The following DYNC2H1 variants were observed in gnomAD, a reference collection of about 807,000 sequenced individuals.
DYNC2H1 encodes the protein cytoplasmic dynein 2 heavy chain 1.
Under a neutral mutation model 570.0 loss-of-function variants are expected in DYNC2H1, and 410 were observed. That is an observed-to-expected ratio of 0.72 (90% CI 0.66 to 0.78). The LOEUF is 0.78. Among genes scored for constraint, DYNC2H1 ranks in the 30% least tolerant of loss-of-function variants. The pLI is 0.00. For missense variants in DYNC2H1, 4,865 were observed against 5,046.4 expected (o/e 0.96, Z 1.09); for synonymous variants, 1,688 against 1,677.6 (o/e 1.01, Z -0.15).
chr11:103,282,266 G>T (rs1162043309), intron 72 of DYNC2H1, 37 bp downstream of exon 72: 22 of 1,591,970 alleles, frequency 1.4e-5, no homozygotes. Flanking sequence ...TGCTCTTAAA[G>T]AAAATATTTC....
At chr11:103,317,330 A>G (rs1937908583) in intron 80 of DYNC2H1, among the ~76,000 whole-genome samples, 1 of 150,864 alleles carries the variant, frequency 6.6e-6, no homozygotes, top group South Asian at 2.1e-4. Context: ...CTGTATTAAT[A>G]GTTGTTCAAG....
At chr11:103,388,365 C>G (rs1414843653) in intron 83 of DYNC2H1, among the ~76,000 whole-genome samples, 1 of 152,166 alleles carries the variant, frequency 6.6e-6, no homozygotes, top group African/African-American at 2.4e-5. Flanking sequence ...TATCCTGAGA[C>G]TTTGCTGAAG....
rs571437403 is a variant in DYNC2H1, at chr11:103,368,403, C to G, written c.12156+10044C>G. The stretch of plus-strand genomic sequence containing the variant: ...GGTCATTTGTGTGTCTTCAGAAATG[C>G]TGGCTAAGGTCTTTTACCAATTTTT... On this transcript the variant is annotated intron_variant, in intron 83 of 88. Coordinates refer to ENST00000375735, the MANE Select transcript of DYNC2H1 (RefSeq NM_001377.3). 2.6e-5 allele frequency among the ~76,000 whole-genome samples: 4 copies of G among 151,764 alleles called. No homozygotes were observed. In the South Asian group the frequency reaches 8.3e-4, roughly 32 times the overall value.
At position 103,109,776 on chromosome 11, in the gene DYNC2H1, T is replaced by C. The variant is rs112718117; in HGVS notation, c.195+7T>C. On this transcript the variant is annotated splice_region_variant and intron_variant, in intron 1 of 88. Coordinates refer to ENST00000375735, the MANE Select transcript of DYNC2H1 (RefSeq NM_001377.3). ...AATCTCCTTTTCCAACACGGTACGG[T>C]TCCTTGCACTCCTGCCTGACCCCTG... is the stretch of plus-strand genomic sequence containing the variant. The C allele has an allele frequency of 9.8e-3, 15,838 of 1,609,006 alleles. 160 individuals carry two copies. Among genetic ancestry groups the C allele is most frequent in the Middle Eastern group, 0.06 (342 of 5,698 alleles).
chr11:103,242,006 G>A (rs1864440405), intron 63 of DYNC2H1, among the ~76,000 whole-genome samples: 1 of 152,006 alleles, frequency 6.6e-6, no homozygotes, highest in Non-Finnish European at 1.5e-5. Context: ...CTCTTGGTGT[G>A]CCACTGAGAT....
intron 62 of DYNC2H1, 38 bp from the exon 63 acceptor site, chr11:103,236,392 A>G (rs759991173): frequency 1.7e-6 from 2 of 1,174,426 alleles, no homozygotes; most frequent in South Asian, 2.4e-5. Context: ...CAAGTACAAG[A>G]TCGTTGTGAA....
chr11:103,227,975 T>G (rs1863864122), intron 59 of DYNC2H1, among the ~76,000 whole-genome samples: 1 of 152,168 alleles, frequency 6.6e-6, no homozygotes, highest in Non-Finnish European at 1.5e-5. Flanking sequence ...GCTTTAAAGT[T>G]TGTTATGTCT....
chr11:103,212,904 TTGTA>T (rs1426364361), intron 54 of DYNC2H1, among the ~76,000 whole-genome samples: 8 of 152,158 alleles, frequency 5.3e-5, no homozygotes, highest in Admixed American at 1.3e-4. Flanking sequence ...TCAATGGTAG[TTGTA>T]TGTGAGTGTA....
At position 103,151,097 on chromosome 11, in the gene DYNC2H1, T is replaced by C. The variant is rs1860511939; in HGVS notation, c.2947-1039T>C. Among the ~76,000 whole-genome samples, 2 of 152,062 alleles carry C rather than the reference T, an allele frequency of 1.3e-5. No individual in the cohort carries two copies. Among genetic ancestry groups the C allele is most frequent in the East Asian group, 3.9e-4 (2 of 5,182 alleles). On this transcript the variant is annotated intron_variant, in intron 20 of 88. Transcript: ENST00000375735. This position sits in a 1 kb window ranked among gnomAD's most constrained non-coding sequence, Gnocchi z 4.6. ...AGGTAGGTAGACTAGGAAACTATTG[T>C]GATATGTTTTACAGGCTAACTGGAG...
rs755131730 is a variant in DYNC2H1, at chr11:103,334,156, G to T, written c.12039+10166G>T. 5.3e-5 allele frequency among the ~76,000 whole-genome samples: 8 copies of T among 152,154 alleles called. No individual in the cohort carries two copies. Among genetic ancestry groups the T allele is most frequent in the Non-Finnish European group, 8.8e-5 (6 of 68,012 alleles). On this transcript the variant is annotated intron_variant, in intron 82 of 88. Transcript: ENST00000375735. The surrounding 1 kb of genome is among the most constrained non-coding windows in gnomAD (Gnocchi z 4.3). Reference sequence around the variant, plus strand: ...TCCTTACTAATTTAATGATTTGAATGAAATCGAGATACAATAAAATCTTAA... The same window carrying T: ...TCCTTACTAATTTAATGATTTGAATTAAATCGAGATACAATAAAATCTTAA...
chr11:103,318,321 C>T (rs538975757), intron 80 of DYNC2H1, among the ~76,000 whole-genome samples: 51 of 152,236 alleles, frequency 3.4e-4, no homozygotes, highest in African/African-American at 1.2e-3. Context: ...ACTTTATCTT[C>T]CCCTGTTCCT....
At chr11:103,475,236 G>A (rs1014440394) in intron 88 of DYNC2H1, among the ~76,000 whole-genome samples, 3 of 152,110 alleles carry the variant, frequency 2.0e-5, no homozygotes, top group Non-Finnish European at 4.4e-5. Flanking sequence ...TACTGTAATT[G>A]CACAAAACTT....
chr11:103,193,953 A>C (rs951191095), intron 47 of DYNC2H1, among the ~76,000 whole-genome samples: 7 of 152,240 alleles, frequency 4.6e-5, no homozygotes, highest in African/African-American at 1.7e-4. Context: ...TCTTGGAGAC[A>C]TAAAAATAAA....
chr11:103,131,751 A>G (rs1486945539), intron 13 of DYNC2H1, among the ~76,000 whole-genome samples: 1 of 152,056 alleles, frequency 6.6e-6, no homozygotes, highest in Non-Finnish European at 1.5e-5. Context: ...AACATTTTCC[A>G]TGTCCTGCTG....
chr11:103,161,699 A>T (rs625061), intron 29 of DYNC2H1, among the ~76,000 whole-genome samples: 2 of 151,990 alleles, frequency 1.3e-5, no homozygotes, highest in Non-Finnish European at 2.9e-5. Context: ...AATACATTTT[A>T]GTTGTCTTTA....
intron 83 of DYNC2H1, among the ~76,000 whole-genome samples, chr11:103,390,613 C>G (rs1942101739): frequency 6.6e-6 from 1 of 152,146 alleles, no homozygotes. Flanking sequence ...TACAATTTGG[C>G]ATGTTTTTGC....
Position 103,236,539 on chromosome 11 carries a change from G to T in DYNC2H1, c.9819G>T (p.Gln3273His). 1.3e-6 allele frequency: 2 copies of T among 1,494,144 alleles called. No homozygotes were observed. Among genetic ancestry groups the T allele is most frequent in the Non-Finnish European group, 1.8e-6 (2 of 1,088,664 alleles). The allele number at this position is 1,494,144 out of a possible 1,614,324, so 92.6% of individuals were successfully genotyped here. The change falls in exon 63 of 89, where the codon CAG (glutamine) becomes CAT (histidine). Residue 3273 changes from glutamine (Q) to histidine (H), a missense_variant and splice_region_variant. By Grantham distance (24) the Gln-to-His change is conservative. This residue lies in a region of DYNC2H1 where 2,401 missense variants were observed against 2,454.6 expected (regional missense o/e 0.98). Coordinates refer to ENST00000375735, the MANE Select transcript of DYNC2H1 (RefSeq NM_001377.3). ...LSIENALVIL[Q>H]SRVCPFLIDP... is the part of the protein sequence containing the mutation. Reference sequence around the variant, plus strand: ...TAGAAAATGCTCTTGTAATATTACAGGTAGTTAATTTATTTTAATTTTTTT... The same window carrying T: ...TAGAAAATGCTCTTGTAATATTACATGTAGTTAATTTATTTTAATTTTTTT...
At chr11:103,422,728 TA>T (rs1157803005) in intron 84 of DYNC2H1, among the ~76,000 whole-genome samples, 3 of 152,098 alleles carry the variant, frequency 2.0e-5, no homozygotes, top group African/African-American at 7.2e-5. Flanking sequence ...CATAGTGATG[TA>T]ATAATGAATG....
In DYNC2H1 at chr11:103,280,709, G is replaced by A. The variant is rs548380701; in HGVS notation, c.10761+296G>A. ...GAAGAGTCAGCCTTCTTCTTTTCCC[G>A]GCCTAGGTAGTAGAGCTCATATAGA... On this transcript the variant is annotated intron_variant, in intron 71 of 88. Coordinates refer to ENST00000375735, the MANE Select transcript of DYNC2H1 (RefSeq NM_001377.3). This position sits in a 1 kb window ranked among gnomAD's most constrained non-coding sequence, Gnocchi z 4.7. Among the ~76,000 whole-genome samples the A allele has an allele frequency of 3.9e-5, 6 of 152,080 alleles. No homozygotes were observed. Among genetic ancestry groups the A allele is most frequent in the South Asian group, 2.1e-4 (1 of 4,818 alleles).
Sources: allele counts gnomAD v4.1 joint callset (sites outside exome capture counted in the v4.1 genomes callset), GRCh38; gene constraint gnomAD v4.1.1; regional missense constraint gnomAD v4.1.1; non-coding constraint Gnocchi (gnomAD v3.1); transcripts MANE v1.5; gene names NCBI Gene and HGNC (gene_info 2026-07-23, HGNC 2026-07-21).